Variants in AMOT observed in about 807,000 individuals in gnomAD.
The protein encoded by AMOT is angiomotin.
AMOT carries 11 observed loss-of-function variants against 67.0 expected under a neutral mutation model. The observed-to-expected ratio is 0.16, with a 90% CI of 0.10 to 0.27. AMOT has a LOEUF of 0.27. AMOT is among the 10% of genes least tolerant of loss of function. AMOT has a pLI of 1.00. For synonymous variants in AMOT, 326 were observed against 321.4 expected, an observed-to-expected ratio of 1.01 and a Z score of -0.15; for missense variants, 753 against 852.0, an observed-to-expected ratio of 0.88 and a Z score of 1.45.
intron 1 of AMOT, among the ~76,000 whole-genome samples, chrX:112,836,685 A>T (rs1935137388): frequency 3.6e-5 from 4 of 110,274 alleles, no homozygotes; most frequent in African/African-American, 1.3e-4. Context: ...GTTAAAATGT[A>T]AAACATAATG....
At chrX:112,799,510 T>G (rs1172912666) in intron 8 of AMOT, among the ~76,000 whole-genome samples, 1 of 112,145 alleles carries the variant, frequency 8.9e-6, no homozygotes, top group East Asian at 2.8e-4. Context: ...AAGTGTATTT[T>G]TATTGTTATT....
chrX:112,837,438 C>T (rs1048224553), intron 1 of AMOT, among the ~76,000 whole-genome samples: 3 of 112,216 alleles, frequency 2.7e-5, no homozygotes, highest in Admixed American at 1.9e-4. Context: ...AAAGCTAGTA[C>T]TTACAAAGAA....
At chrX:112,811,117 G>A (rs373612635) in intron 6 of AMOT, 132 bp downstream of exon 6, 3 of 852,041 alleles carry the variant, frequency 3.5e-6, no homozygotes, top group East Asian at 3.2e-5. Context: ...CCTGGCACAT[G>A]CCCAGCCATT....
At chrX:112,829,786 C>T (rs146576274) in intron 2 of AMOT, among the ~76,000 whole-genome samples, 1 of 111,283 alleles carries the variant, frequency 9.0e-6, no homozygotes, top group East Asian at 2.8e-4. Flanking sequence ...TGTTTATAGG[C>T]AACAAAGGTG....
intron 5 of AMOT, among the ~76,000 whole-genome samples, chrX:112,812,406 A>G (rs975944247): frequency 1.8e-5 from 2 of 111,681 alleles, no homozygotes; most frequent in Non-Finnish European, 3.8e-5. Context: ...TCCCATAGTC[A>G]ATGGGAAACC....
Position 112,799,483 on chromosome X carries a change from T to C in AMOT, c.1776+5464A>G, listed in dbSNP as rs1329509806. Among the ~76,000 whole-genome samples the C allele has an allele frequency of 2.7e-5, 3 of 112,100 alleles. No individual in the cohort carries two copies. The Admixed American group carries it at 2.8e-4, about 11-fold the overall frequency. On this transcript the variant is annotated intron_variant, in intron 8 of 13. Transcript: ENST00000371959. ...TTGTCCACAACTCCAAACACTCTTA[T>C]ACAAATGTCACAACTGAAGTGTATT...
intron 2 of AMOT, among the ~76,000 whole-genome samples, chrX:112,830,314 T>C (rs1261076432): frequency 8.9e-6 from 1 of 112,356 alleles, no homozygotes; most frequent in Non-Finnish European, 1.9e-5. Context: ...TCGTAATGGC[T>C]GCATAATAGT....
intron 10 of AMOT, among the ~76,000 whole-genome samples, chrX:112,783,555 C>A (rs1482989944): frequency 9.0e-6 from 1 of 111,451 alleles, no homozygotes; most frequent in Non-Finnish European, 1.9e-5. Context: ...CTGAAACATT[C>A]TAGCACCAAA....
At chrX:112,813,645 A>G (rs1934440519) in intron 5 of AMOT, among the ~76,000 whole-genome samples, 1 of 110,910 alleles carries the variant, frequency 9.0e-6, no homozygotes, top group Admixed American at 9.7e-5. Context: ...CCACACACAC[A>G]AAAAATCACC....
Position 112,779,660 on chromosome X carries a change from A to C in AMOT, c.2494T>G (p.Tyr832Asp), listed in dbSNP as rs771420249. 4.2e-6 allele frequency: 5 copies of C among 1,200,097 alleles called. No individual in the cohort carries two copies. In the East Asian group the frequency reaches 1.2e-4, roughly 29 times the overall value. The change falls in exon 13 of 14, where the codon TAC becomes GAC. Residue 832 changes from tyrosine to aspartate, a missense_variant. Tyr to Asp is a radical substitution (Grantham distance 160). This residue lies in a region of AMOT where 269 missense variants were observed against 300.9 expected (regional missense o/e 0.89). Coordinates refer to ENST00000371959, the MANE Select transcript of AMOT (RefSeq NM_001113490.2). The part of the protein sequence containing the change: ...GSLGILLGGD[Y>D]RAEYVPSTPS... ...GTGGAAGGGACATATTCAGCACGGT[A>C]GTCTCCACCCAGGAGAATGCCTACA...
Position 112,790,637 on chromosome X carries a change from A to C in AMOT, c.2072T>G (p.Met691Arg). The C allele has an allele frequency of 8.3e-7, 1 of 1,210,690 alleles. No individual in the cohort carries two copies. The highest frequency in any genetic ancestry group is 1.1e-6 in the Non-Finnish European group (1 of 894,910). Residue 691 changes from methionine to arginine, a missense_variant, in exon 10 of 14, where the codon ATG (methionine) becomes AGG (arginine). Physicochemically the swap from Met to Arg is moderately conservative, Grantham distance 91. Transcript: ENST00000371959. ...AGCAGCATCCAGAGCAAAATGTCTC[A>C]TCACATTCTCCTCCAAATATTTCTG... ...WEQKYLEENV[M>R]RHFALDAAAT...
intron 8 of AMOT, among the ~76,000 whole-genome samples, chrX:112,794,329 T>G (rs1263656812): frequency 8.9e-6 from 1 of 112,006 alleles, no homozygotes; most frequent in Admixed American, 9.5e-5. Flanking sequence ...AAGATAGGCA[T>G]GCAGGTCAGA....
At position 112,780,993 on chromosome X, in the gene AMOT, A is replaced by G; in HGVS notation, c.2366T>C (p.Met789Thr). 1 of 1,212,078 alleles carries G rather than the reference A, an allele frequency of 8.3e-7. No individual in the cohort carries two copies. Among genetic ancestry groups the G allele is most frequent in the Non-Finnish European group, 1.1e-6 (1 of 895,581 alleles). Residue 789 changes from methionine to threonine, a missense_variant, in exon 12 of 14, where the codon ATG becomes ACG. Transcript: ENST00000371959. The stretch of plus-strand genomic sequence containing the variant: ...GCCTGATCCAGCATTGGAAATGGAC[A>G]TCAGAGACTTCGCTGGCCGCATGCA... ...LSCMRPAKSL[M>T]SISNAGSGLL...
At chrX:112,792,290 C>T (rs1025530957) in intron 8 of AMOT, among the ~76,000 whole-genome samples, 18 of 112,368 alleles carry the variant, frequency 1.6e-4, no homozygotes, top group African/African-American at 5.8e-4. Context: ...TTTCAGATTC[C>T]CAATTATGCA....
At position 112,815,595 on chromosome X, in the gene AMOT, G is replaced by GTGC. The variant is rs766099905; in HGVS notation, c.1152_1154dup (p.Gln384dup). The GTGC allele has an allele frequency of 7.5e-6, 9 of 1,206,831 alleles. No individual in the cohort carries two copies. Among genetic ancestry groups the GTGC allele is most frequent in the Admixed American group, 4.4e-5 (2 of 45,368 alleles). Reference sequence around the variant, plus strand: ...GTTGTTGGTGGTGATGGTGATGATGGTGCTGCTGCTGCTGTTGCTGCTGCT... The same window carrying GTGC: ...GTTGTTGGTGGTGATGGTGATGATGGTGCTGCTGCTGCTGCTGTTGCTGCTGCT... On this transcript the variant is annotated inframe_insertion, in exon 5 of 14. Coordinates refer to ENST00000371959, the MANE Select transcript of AMOT (RefSeq NM_001113490.2).
intron 5 of AMOT, among the ~76,000 whole-genome samples, chrX:112,812,329 A>C (rs1027472755): frequency 8.9e-6 from 1 of 111,877 alleles, no homozygotes; most frequent in African/African-American, 3.3e-5. Context: ...ACCTGGCGAG[A>C]TATGGCTGCT....
intron 2 of AMOT, among the ~76,000 whole-genome samples, chrX:112,830,627 G>A (rs1934964655): frequency 8.9e-6 from 1 of 112,080 alleles, no homozygotes; most frequent in Non-Finnish European, 1.9e-5. Context: ...CCAGGGCAGA[G>A]CAGGGCTCCT....
Position 112,775,420 on chromosome X carries a change from A to G in AMOT, c.*3147T>C, listed in dbSNP as rs1403398815. ...ATACACTTTAAGCTGCCGCATTATG[A>G]GGGTTTAGGCTTGTCATAAAAAGTA... On this transcript the variant is annotated 3_prime_UTR_variant, in exon 14 of 14. Coordinates refer to ENST00000371959, the MANE Select transcript of AMOT (RefSeq NM_001113490.2). 1.8e-5 allele frequency: 2 copies of G among 112,678 alleles called. No individual in the cohort carries two copies. The highest frequency in any genetic ancestry group is 3.2e-5 in the African/African-American group (1 of 30,934). The allele number at this position is 112,678 out of a possible 1,213,427, so 9.3% of individuals were successfully genotyped here. A position where few individuals can be genotyped will look rare whatever the true frequency, so the allele number is the denominator to read the frequency against.
intron 10 of AMOT, among the ~76,000 whole-genome samples, chrX:112,788,645 C>T (rs768927282): frequency 7.1e-5 from 8 of 112,095 alleles, no homozygotes; most frequent in African/African-American, 2.6e-4. Flanking sequence ...CCATATTTTA[C>T]AGAAATTTCA....
Sources: gnomAD v4.1 joint callset for allele counts (sites outside exome capture counted in the v4.1 genomes callset) on GRCh38, gnomAD v4.1.1 for gene constraint, gnomAD v4.1.1 regional missense constraint, MANE v1.5 for transcripts, NCBI Gene and HGNC (gene_info 2026-07-23, HGNC 2026-07-21) for gene names.